Variants in MYH7B observed in about 807,000 individuals in gnomAD.
MYH7B encodes myosin heavy chain 7B.
Under a neutral mutation model 234.5 loss-of-function variants are expected in MYH7B, and 205 were observed. The ratio of observed to expected loss-of-function variants is 0.87; its 90% CI spans 0.78 to 0.98. The LOEUF is 0.98. MYH7B is among the 50% of genes least tolerant of loss of function. The probability of loss-of-function intolerance (pLI) is 0.00; values close to 1 mark genes in which losing one functional copy is unlikely to be tolerated. For missense variants in MYH7B, 2,652 were observed against 2,633.4 expected, an observed-to-expected ratio of 1.01 and a Z score of -0.15; for synonymous variants, 1,193 against 1,105.0, an observed-to-expected ratio of 1.08 and a Z score of -1.58.
chr20:34,993,845 G>C (rs997775539), intron 26 of MYH7B, among the ~76,000 whole-genome samples: 1 of 152,240 alleles, frequency 6.6e-6, no homozygotes, highest in Non-Finnish European at 1.5e-5. Flanking sequence ...GCCCGTGTCA[G>C]AGATCCAGAG....
At chr20:34,997,050 G>T (rs1250463364) in intron 30 of MYH7B, 33 bp from the exon 31 acceptor site, 2 of 1,396,040 alleles carry the variant, frequency 1.4e-6, no homozygotes, top group Non-Finnish European at 1.9e-6. Flanking sequence ...GGGAGTTAAG[G>T]CCTGTGCTGG....
chr20:34,955,946 C>A (rs2081628018), exon 1 of MYH7B: 2 of 152,500 alleles, frequency 1.3e-5, no homozygotes, highest in South Asian at 2.1e-4. Flanking sequence ...GTCGGCTGCA[C>A]CCTGGCGGAT....
Position 34,979,501 on chromosome 20 carries a change from C to A in MYH7B, c.198+5C>A. The A allele has an allele frequency of 6.2e-7, 1 of 1,610,302 alleles. No individual in the cohort carries two copies. Among genetic ancestry groups the A allele is most frequent in the Non-Finnish European group, 8.5e-7 (1 of 1,177,744 alleles). On this transcript the variant is annotated splice_donor_5th_base_variant and intron_variant, in intron 6 of 44. Coordinates refer to ENST00000262873, the Ensembl canonical transcript of MYH7B. ...GTGGAGACCAAAGACCAGAAGGTTC[C>A]GTTCCCCCTTTCCTGAGATTAGCCT...
chr20:34,984,534 G>A (rs1046762257), intron 10 of MYH7B, among the ~76,000 whole-genome samples, 158 bp from the exon 11 acceptor site: 12 of 152,284 alleles, frequency 7.9e-5, no homozygotes, highest in Non-Finnish European at 1.3e-4. Flanking sequence ...AGCTGCAGGA[G>A]GGTCAGGCCG....
In MYH7B at chr20:34,989,922, A is replaced by T; in HGVS notation, c.1767+3A>T. On this transcript the variant is annotated splice_donor_region_variant and intron_variant, in intron 20 of 44. Coordinates refer to ENST00000262873, the Ensembl canonical transcript of MYH7B. ...AGGTGGTCCACTACGCAGGCGTGGTAGGTGCTTGCTGGAACCCCAGCCCTC... is the reference window on the plus strand; with the variant it reads ...AGGTGGTCCACTACGCAGGCGTGGTTGGTGCTTGCTGGAACCCCAGCCCTC... 1 of 1,613,850 alleles carries T rather than the reference A, an allele frequency of 6.2e-7. No individual in the cohort carries two copies.
At chr20:34,998,969 G>A in intron 35 of MYH7B, 54 bp downstream of exon 35, 1 of 1,585,592 alleles carries the variant, frequency 6.3e-7, no homozygotes, top group South Asian at 1.2e-5. Flanking sequence ...GCCTGTGCCT[G>A]AGCCCCGCTG....
chr20:34,993,059 C>G, intron 24 of MYH7B, 43 bp from the exon 25 acceptor site: 1 of 1,589,124 alleles, frequency 6.3e-7, no homozygotes, highest in Non-Finnish European at 8.6e-7. Context: ...GCCTGTGCCC[C>G]ATACCCAGCC....
chr20:34,961,223 G>A (rs184388741), intron 2 of MYH7B, among the ~76,000 whole-genome samples: 64 of 152,284 alleles, frequency 4.2e-4, no homozygotes, highest in South Asian at 2.7e-3. Context: ...GGATGGATCT[G>A]TTTTGACTCA....
chr20:34,984,722 A>G lies in MYH7B; in HGVS notation c.648+7A>G. 6.2e-7 allele frequency: 1 copy of G among 1,606,094 alleles called. No individual in the cohort carries two copies. Among genetic ancestry groups the G allele is most frequent in the Non-Finnish European group, 8.5e-7 (1 of 1,177,608 alleles). On this transcript the variant is annotated splice_region_variant and intron_variant, in intron 11 of 44. Transcript: ENST00000262873. ...TCTGGCAACAAAGACGGGGGTGAGT[A>G]TGGGGCCAATGTCAATGGGGCAGCC...
intron 28 of MYH7B, 142 bp from the exon 29 acceptor site, chr20:34,996,204 G>A (rs556049208): frequency 3.1e-6 from 3 of 966,230 alleles, no homozygotes; most frequent in East Asian, 2.6e-5. Context: ...CTTCCCTCAG[G>A]CAGAAGCGGT....
intron 8 of MYH7B, 82 bp downstream of exon 8, chr20:34,980,816 A>T: frequency 6.4e-7 from 1 of 1,554,304 alleles, no homozygotes; most frequent in Non-Finnish European, 8.8e-7. Context: ...CCCTTCCCCC[A>T]CTGGCACTGC....
At chr20:34,987,938 C>A in intron 18 of MYH7B, 24 bp downstream of exon 18, 3 of 1,569,910 alleles carry the variant, frequency 1.9e-6, no homozygotes, top group Non-Finnish European at 2.6e-6. Context: ...CTCACCTTGG[C>A]CTCTGTTCTC....
rs2082234100 is a variant in MYH7B at position 34,995,314 on chromosome 20, CCCCGTTCCGTGTG to C, written c.2701-18_2701-6del. The stretch of plus-strand genomic sequence containing the variant: ...TTTACCTGGCCCTCCCCCAACCTGG[CCCCGTTCCGTGTG>C]CCCTCCAGGAGCAGGACAACCTGGC... On this transcript the variant is annotated splice_polypyrimidine_tract_variant and intron_variant, in intron 27 of 44. Transcript: ENST00000262873. 1 of 1,607,308 alleles carries C rather than the reference CCCCGTTCCGTGTG, an allele frequency of 6.2e-7. No homozygotes were observed. Among genetic ancestry groups the C allele is most frequent in the Admixed American group, 1.7e-5 (1 of 59,896 alleles).
At chr20:34,982,412 G>T (rs1450654893) in intron 9 of MYH7B, 47 bp from the exon 10 acceptor site, 9 of 1,559,694 alleles carry the variant, frequency 5.8e-6, no homozygotes, top group Admixed American at 1.7e-5. Context: ...GGGTGGGGGA[G>T]AATTAGGCCA....
At chr20:34,964,658 C>T (rs1370992425) in intron 2 of MYH7B, among the ~76,000 whole-genome samples, 1 of 152,186 alleles carries the variant, frequency 6.6e-6, no homozygotes, top group Non-Finnish European at 1.5e-5. Flanking sequence ...GTGGCTCACG[C>T]CTGTAATCCC....
chr20:34,988,809 T>C (rs922420564), intron 19 of MYH7B, among the ~76,000 whole-genome samples: 205 of 9,530 alleles, frequency 0.022, no homozygotes, highest in African/African-American at 0.17. Context: ...TTTATCCCTT[T>C]TTTTTTTTTT....
intron 13 of MYH7B, among the ~76,000 whole-genome samples, chr20:34,985,778 C>T (rs1224890031): frequency 6.6e-6 from 1 of 152,134 alleles, no homozygotes; most frequent in Non-Finnish European, 1.5e-5. Context: ...CACACAGACA[C>T]ACACGGAGGC....
At position 34,986,090 on chromosome 20, in the gene MYH7B, T is replaced by A. The variant is rs746505608; in HGVS notation, c.806-10T>A. 3.0e-5 allele frequency: 47 copies of A among 1,570,060 alleles called. 1 individual carries two copies. In the Admixed American group the frequency reaches 7.2e-4, roughly 24 times the overall value. On this transcript the variant is annotated splice_polypyrimidine_tract_variant and intron_variant, in intron 13 of 44. Coordinates refer to ENST00000262873, the Ensembl canonical transcript of MYH7B. Reference sequence around the variant, plus strand: ...GTGGGAGATGGCAGGCCAGCGTCCCTTCTCCCCAGATCTCCTGGAGAAGTC... The same window carrying A: ...GTGGGAGATGGCAGGCCAGCGTCCCATCTCCCCAGATCTCCTGGAGAAGTC...
Position 34,990,215 on chromosome 20 carries a change from G to A in MYH7B, c.1901-19G>A. The A allele has an allele frequency of 6.2e-7, 1 of 1,614,134 alleles. No homozygotes were observed. Among genetic ancestry groups the A allele is most frequent in the Non-Finnish European group, 8.5e-7 (1 of 1,180,042 alleles). ...AGAGCGACATTCCCTGGAGTGACCA[G>A]GCCCCTTGTCTCTATTAGCTGAGCC... On this transcript the variant is annotated intron_variant, in intron 21 of 44. Transcript: ENST00000262873.
Sources: gnomAD v4.1 joint callset for allele counts (sites outside exome capture counted in the v4.1 genomes callset) on GRCh38, gnomAD v4.1.1 for gene constraint, MANE v1.5 for transcripts, NCBI Gene and HGNC (gene_info 2026-07-23, HGNC 2026-07-21) for gene names.